Variants in COQ9 observed in about 807,000 individuals in gnomAD.
COQ9 encodes the protein coenzyme Q9.
COQ9 carries 35 observed loss-of-function variants against 42.4 expected under a neutral mutation model. The ratio of observed to expected loss-of-function variants is 0.83; its 90% CI spans 0.63 to 1.10. COQ9 has a LOEUF of 1.10. Ranked by LOEUF, COQ9 falls within the 50% of genes least tolerant of loss-of-function variation. COQ9 has a pLI of 0.00. For synonymous variants in COQ9, 155 were observed against 155.1 expected, an observed-to-expected ratio of 1.00 and a Z score of 0.00; for missense variants, 406 against 414.6, an observed-to-expected ratio of 0.98 and a Z score of 0.18.
At chr16:57,451,465 C>T (rs185629865) in intron 2 of COQ9, among the ~76,000 whole-genome samples, 39 of 152,330 alleles carry the variant, frequency 2.6e-4, no homozygotes, top group African/African-American at 8.2e-4. Context: ...AGCCACTGCA[C>T]CCAGCCACAA....
chr16:57,455,397 T>TTTTATATA (rs2030378602), intron 3 of COQ9, among the ~76,000 whole-genome samples: 1 of 142,866 alleles, frequency 7.0e-6, no homozygotes, highest in Non-Finnish European at 1.5e-5. Context: ...CACGCTGATT[T>TTTTATATA]TATATATATA....
At chr16:57,452,981 G>A (rs770914474) in intron 3 of COQ9, 45 bp downstream of exon 3, 39 of 1,612,030 alleles carry the variant, frequency 2.4e-5, no homozygotes, top group Non-Finnish European at 3.3e-5. Context: ...GATGAGCCAG[G>A]ATGGAGTCAC....
intron 5 of COQ9, 132 bp downstream of exon 5, chr16:57,457,147 T>G: frequency 1.3e-6 from 1 of 764,788 alleles, no homozygotes; most frequent in Non-Finnish European, 2.3e-6. Context: ...CGACAATACT[T>G]AGTACACTTG....
chr16:57,451,217 C>T lies in COQ9; in HGVS notation c.242+9C>T, dbSNP rs767525607. ...TCTCATTCACCCCCCAGGTAGGCACCAATCCACCTATTTCTGGCCACTTCA... is the reference window on the plus strand; with the variant it reads ...TCTCATTCACCCCCCAGGTAGGCACTAATCCACCTATTTCTGGCCACTTCA... On this transcript the variant is annotated intron_variant, in intron 2 of 8. Transcript: ENST00000262507. 1.9e-6 allele frequency: 3 copies of T among 1,614,132 alleles called. No individual in the cohort carries two copies. Among genetic ancestry groups the T allele is most frequent in the Non-Finnish European group, 2.5e-6 (3 of 1,179,938 alleles).
intron 6 of COQ9, among the ~76,000 whole-genome samples, chr16:57,458,837 T>G (rs1371199092): frequency 6.6e-6 from 1 of 152,252 alleles, no homozygotes; most frequent in Non-Finnish European, 1.5e-5. Context: ...GCTATCATAT[T>G]TCTGGTAGGA....
At chr16:57,448,015 C>G (rs1213384391) in intron 1 of COQ9, among the ~76,000 whole-genome samples, 2 of 152,232 alleles carry the variant, frequency 1.3e-5, no homozygotes, top group South Asian at 2.1e-4. Flanking sequence ...GTGATACTCT[C>G]TTACCACCTT....
At chr16:57,458,060 CT>C in intron 5 of COQ9, 185 bp from the exon 6 acceptor site, 3 of 637,084 alleles carry the variant, frequency 4.7e-6, no homozygotes, top group Non-Finnish European at 8.6e-6. Context: ...GGCTATGCCC[CT>C]GGCTCTCCTC....
At chr16:57,450,607 G>C (rs763097085) in intron 1 of COQ9, among the ~76,000 whole-genome samples, 9 of 152,108 alleles carry the variant, frequency 5.9e-5, no homozygotes, top group Non-Finnish European at 1.3e-4. Context: ...GGGGAGTAGG[G>C]CTGAGACATT....
intron 2 of COQ9, among the ~76,000 whole-genome samples, chr16:57,452,583 A>C (rs2030312241): frequency 6.6e-6 from 1 of 152,198 alleles, no homozygotes; most frequent in East Asian, 1.9e-4. Flanking sequence ...TGGAGGTTGT[A>C]GTGAGCTGAG....
At chr16:57,451,697 A>C (rs1191490619) in intron 2 of COQ9, among the ~76,000 whole-genome samples, 1 of 152,248 alleles carries the variant, frequency 6.6e-6, no homozygotes, top group South Asian at 2.1e-4. Context: ...TAAACTCTAC[A>C]TGCTGTTCTA....
At chr16:57,455,991 CCAGGAGGT>C (rs1488438904) in intron 3 of COQ9, among the ~76,000 whole-genome samples, 1 of 151,848 alleles carries the variant, frequency 6.6e-6, no homozygotes, top group African/African-American at 2.4e-5. Flanking sequence ...TTGCTTGAGC[CCAGGAGGT>C]CAAGGCCTCA....
chr16:57,452,980 G>A (rs760052392), intron 3 of COQ9, 44 bp downstream of exon 3: 13 of 1,612,194 alleles, frequency 8.1e-6, no homozygotes, highest in Non-Finnish European at 9.3e-6. Flanking sequence ...AGATGAGCCA[G>A]GATGGAGTCA....
intron 6 of COQ9, 147 bp downstream of exon 6, chr16:57,458,497 A>G (rs1362497761): frequency 2.9e-6 from 2 of 693,366 alleles, no homozygotes; most frequent in African/African-American, 3.5e-5. Context: ...AGGTCCGTCA[A>G]GAAGCCAAAG....
chr16:57,455,026 G>A (rs2030370403), intron 3 of COQ9, among the ~76,000 whole-genome samples: 1 of 152,142 alleles, frequency 6.6e-6, no homozygotes, highest in African/African-American at 2.4e-5. Flanking sequence ...AAAGTGGATT[G>A]GAGGCAGAGA....
At chr16:57,456,457 C>G (rs201175835) in intron 3 of COQ9, 47 bp from the exon 4 acceptor site, 201 of 1,607,642 alleles carry the variant, frequency 1.3e-4, no homozygotes, top group Middle Eastern at 1.7e-4. Context: ...ACAAATGTAC[C>G]CTACACTTGG....
intron 1 of COQ9, among the ~76,000 whole-genome samples, chr16:57,449,257 T>A (rs2030222932): frequency 6.6e-6 from 1 of 152,164 alleles, no homozygotes; most frequent in East Asian, 1.9e-4. Flanking sequence ...AACAGTAAAA[T>A]TTTTTTTGAC....
intron 6 of COQ9, 100 bp from the exon 7 acceptor site, chr16:57,459,465 A>C (rs915235224): frequency 6.3e-5 from 75 of 1,185,724 alleles, no homozygotes; most frequent in Non-Finnish European, 9.4e-5. Context: ...TGTGACAGTC[A>C]AGAAGTAGTC....
intron 6 of COQ9, 112 bp downstream of exon 6, chr16:57,458,462 G>A (rs750418595): frequency 6.6e-5 from 53 of 800,582 alleles, no homozygotes; most frequent in Non-Finnish European, 9.9e-5. Flanking sequence ...GGGCTGCAGT[G>A]TCATTCCCAT....
intron 6 of COQ9, among the ~76,000 whole-genome samples, chr16:57,459,219 C>T (rs2030473073): frequency 6.6e-6 from 1 of 152,202 alleles, no homozygotes. Context: ...ACAGCGTCTT[C>T]TGGGACTCAG....
Sources: allele counts gnomAD v4.1 joint callset (sites outside exome capture counted in the v4.1 genomes callset), GRCh38; gene constraint gnomAD v4.1.1; transcripts MANE v1.5; gene names NCBI Gene and HGNC (gene_info 2026-07-23, HGNC 2026-07-21).